ATG3: variants seen among roughly 807,000 people sequenced by gnomAD.
ATG3 encodes ubiquitin-like-conjugating enzyme ATG3.
A neutral mutation model predicts 50.7 loss-of-function variants in ATG3; 25 were observed. The ratio of observed to expected loss-of-function variants is 0.49; its 90% confidence interval spans 0.36 to 0.69. The LOEUF (loss-of-function observed/expected upper bound fraction) is 0.69, where lower values mean the gene tolerates loss of function less well. Among genes scored for constraint, ATG3 ranks in the 30% least tolerant of loss-of-function variants. The pLI is 0.00. For missense variants in ATG3, 281 were observed against 376.0 expected (o/e 0.75, Z 2.09); for synonymous variants, 119 against 125.5 (o/e 0.95, Z 0.34).
At chr3:112,550,027 G>A (rs1014421791) in intron 4 of ATG3, among the ~76,000 whole-genome samples, 165 bp downstream of exon 4, 3 of 151,980 alleles carry the variant, frequency 2.0e-5, no homozygotes, top group East Asian at 1.9e-4. Flanking sequence ...TTTCCTTAGG[G>A]CCCTCTTCCT....
intron 5 of ATG3, 100 bp from the exon 6 acceptor site, chr3:112,544,206 C>G: frequency 9.9e-7 from 1 of 1,011,388 alleles, no homozygotes; most frequent in Non-Finnish European, 1.5e-6. Flanking sequence ...CTCACAATTT[C>G]TCTGAAATAA....
At chr3:112,552,625 TA>T (rs1215381197) in intron 3 of ATG3, among the ~76,000 whole-genome samples, 111 of 142,656 alleles carry the variant, frequency 7.8e-4, no homozygotes, top group South Asian at 2.2e-3. Context: ...TTTGTTAATT[TA>T]AAAAAAAAAA....
Position 112,532,785 on chromosome 3 carries a change from A to G in ATG3, c.864-5T>C, listed in dbSNP as rs779695499. On this transcript the variant is annotated splice_polypyrimidine_tract_variant and splice_region_variant and intron_variant, in intron 11 of 11. Transcript: ENST00000283290. ...TTCAAGAAAATAAGAAGATACCTAA[A>G]GGTTTTTAGCTAAGGAAAATAAGAT... The G allele has an allele frequency of 1.3e-6, 2 of 1,581,720 alleles. No individual in the cohort carries two copies. The highest frequency in any genetic ancestry group is 4.5e-5 in the East Asian group (2 of 43,974).
chr3:112,547,493 G>T (rs902239383), intron 5 of ATG3, among the ~76,000 whole-genome samples: 2 of 152,148 alleles, frequency 1.3e-5, no homozygotes, highest in Non-Finnish European at 2.9e-5. Context: ...TAGTATCATG[G>T]ATTTAAACTT....
At chr3:112,535,497 A>AT (rs1217794207) in intron 10 of ATG3, 1 of 152,194 alleles carries the variant, frequency 6.6e-6, no homozygotes, top group Non-Finnish European at 1.5e-5. Context: ...ACCTTAAACC[A>AT]TAAGAGGAAT....
intron 5 of ATG3, among the ~76,000 whole-genome samples, chr3:112,544,310 T>A (rs1279052303): frequency 6.6e-6 from 1 of 152,210 alleles, no homozygotes; most frequent in Non-Finnish European, 1.5e-5. Flanking sequence ...ATTAATATTT[T>A]ACCATGAATT....
intron 9 of ATG3, among the ~76,000 whole-genome samples, chr3:112,537,164 A>T: frequency 6.6e-6 from 1 of 152,116 alleles, no homozygotes; most frequent in South Asian, 2.1e-4. Context: ...CAGAAAAAAA[A>T]TCTCACAAAA....
At chr3:112,553,640 T>C (rs1032291014) in intron 2 of ATG3, among the ~76,000 whole-genome samples, 6 of 152,186 alleles carry the variant, frequency 3.9e-5, no homozygotes, top group African/African-American at 1.4e-4. Context: ...TATAATGAAA[T>C]TGATAAATGT....
chr3:112,558,290 C>A, intron 2 of ATG3, 86 bp downstream of exon 2: 1 of 960,730 alleles, frequency 1.0e-6, no homozygotes, highest in Admixed American at 2.5e-5. Flanking sequence ...AATTAAAGTT[C>A]AAGATGTTTT....
At chr3:112,540,413 AC>A (rs1371494024) in intron 7 of ATG3, among the ~76,000 whole-genome samples, 9 of 152,350 alleles carry the variant, frequency 5.9e-5, no homozygotes, top group Non-Finnish European at 1.2e-4. Flanking sequence ...CAGCTGCCTT[AC>A]AGCCTTCAAT....
At chr3:112,556,500 C>T (rs1334047942) in intron 2 of ATG3, among the ~76,000 whole-genome samples, 4 of 151,064 alleles carry the variant, frequency 2.6e-5, no homozygotes, top group East Asian at 1.9e-4. Context: ...CCCCTCTGCC[C>T]GGCCACCACC....
intron 7 of ATG3, among the ~76,000 whole-genome samples, chr3:112,540,732 A>C (rs1224853010): frequency 6.6e-6 from 1 of 152,142 alleles, no homozygotes; most frequent in East Asian, 1.9e-4. Flanking sequence ...AAAGAGTAAG[A>C]AAACCCAGTG....
chr3:112,558,158 A>G (rs1933739586), intron 2 of ATG3: 1 of 528,004 alleles, frequency 1.9e-6, no homozygotes, highest in African/African-American at 1.9e-5. Flanking sequence ...ATTTCTAAAT[A>G]AAGAGGAACT....
chr3:112,560,874 A>T (rs938750053), intron 1 of ATG3, among the ~76,000 whole-genome samples: 1 of 152,204 alleles, frequency 6.6e-6, no homozygotes, highest in African/African-American at 2.4e-5. Context: ...AGCTACGGCT[A>T]TCTGAAAAGC....
At chr3:112,538,078 A>T (rs1457356094) in intron 8 of ATG3, 68 bp downstream of exon 8, 2 of 1,299,400 alleles carry the variant, frequency 1.5e-6, no homozygotes, top group Non-Finnish European at 2.1e-6. Flanking sequence ...TCAATATATT[A>T]TTAGTAAGAA....
chr3:112,560,216 C>T (rs968319527), intron 1 of ATG3, among the ~76,000 whole-genome samples: 12 of 152,080 alleles, frequency 7.9e-5, no homozygotes, highest in African/African-American at 2.7e-4. Context: ...TACTGTATAC[C>T]TAGGTAGATA....
chr3:112,540,594 G>A (rs1392107340), intron 7 of ATG3, among the ~76,000 whole-genome samples: 1 of 149,786 alleles, frequency 6.7e-6, no homozygotes, highest in Non-Finnish European at 1.5e-5. Flanking sequence ...TGCCATTATA[G>A]AAGAAAAAAT....
intron 7 of ATG3, among the ~76,000 whole-genome samples, chr3:112,541,303 C>T (rs1219545899): frequency 6.6e-6 from 1 of 152,054 alleles, no homozygotes; most frequent in African/African-American, 2.4e-5. Context: ...AAGAGAATCA[C>T]CTGAACCTGG....
At chr3:112,544,006 T>C (rs767165184) in intron 6 of ATG3, 51 bp downstream of exon 6, 16 of 1,353,840 alleles carry the variant, frequency 1.2e-5, no homozygotes, top group Non-Finnish European at 1.7e-5. Context: ...GATAGATAGA[T>C]AGGCAAATAA....
Sources: gnomAD v4.1 joint callset for allele counts (sites outside exome capture counted in the v4.1 genomes callset) on GRCh38, gnomAD v4.1.1 for gene constraint, MANE v1.5 for transcripts, NCBI Gene and HGNC (gene_info 2026-07-23, HGNC 2026-07-21) for gene names.